FTO: variants seen among roughly 807,000 people sequenced by gnomAD.
FTO encodes alpha-ketoglutarate-dependent dioxygenase FTO.
Under a neutral mutation model 63.9 loss-of-function variants are expected in FTO, and 47 were observed. The ratio of observed to expected loss-of-function variants is 0.74; its 90% CI spans 0.58 to 0.94. The LOEUF is 0.94. Ranked by LOEUF, FTO falls within the 40% of genes least tolerant of loss-of-function variation. The pLI is 0.00. For synonymous variants in FTO, 207 were observed against 224.4 expected (o/e 0.92, Z 0.69); for missense variants, 562 against 618.1 (o/e 0.91, Z 0.96).
chr16:53,904,010 A>T, intron 7 of FTO, among the ~76,000 whole-genome samples: 1 of 151,720 alleles, frequency 6.6e-6, no homozygotes, highest in Non-Finnish European at 1.5e-5. Context: ...TAGTTTATTT[A>T]CATATATAAA....
chr16:53,790,372 A>G (rs900645758), intron 1 of FTO, among the ~76,000 whole-genome samples: 2 of 152,056 alleles, frequency 1.3e-5, no homozygotes, highest in Non-Finnish European at 2.9e-5. Flanking sequence ...AAGTAGAATC[A>G]TACAGTATTT....
In FTO at chr16:54,112,195, C is replaced by T. The variant is rs1320444975; in HGVS notation, c.*280C>T. On this transcript the variant is annotated 3_prime_UTR_variant, in exon 9 of 9. Transcript: ENST00000471389. The stretch of plus-strand genomic sequence containing the variant: ...TTCAGCCCCCAAGGTCCAGGGCAGG[C>T]GACAGGAACGAGCCCAGCGTGTGAC... 7 of 436,692 alleles carry T rather than the reference C, an allele frequency of 1.6e-5. No individual in the cohort carries two copies. Among genetic ancestry groups the T allele is most frequent in the East Asian group, 9.8e-5 (2 of 20,388 alleles). The allele number at this position is 436,692 out of a possible 1,614,324, so 27.1% of individuals were successfully genotyped here.
rs373497886 is a variant in FTO at position 54,074,662 on chromosome 16, T to C, written c.1365-37100T>C. Among the ~76,000 whole-genome samples, 188 of 152,318 alleles carry C rather than the reference T, an allele frequency of 1.2e-3. 1 individual carries two copies. Among genetic ancestry groups the C allele is most frequent in the African/African-American group, 4.3e-3 (179 of 41,572 alleles). ...TTAGGTTGTTTCCTATTTTTTTCCCTATCATATAAAATGCTGGGATGAATA... is the reference window on the plus strand; with the variant it reads ...TTAGGTTGTTTCCTATTTTTTTCCCCATCATATAAAATGCTGGGATGAATA... On this transcript the variant is annotated intron_variant, in intron 8 of 8. Coordinates refer to ENST00000471389, the MANE Select transcript of FTO (RefSeq NM_001080432.3).
rs971930837 is a variant in FTO at position 53,717,500 on chromosome 16, A to C, written c.45+13271A>C. Among the ~76,000 whole-genome samples, 6 of 152,154 alleles carry C rather than the reference A, an allele frequency of 3.9e-5. No homozygotes were observed. The South Asian group carries it at 1.0e-3, about 26-fold the overall frequency. On this transcript the variant is annotated intron_variant, in intron 1 of 8. Coordinates refer to ENST00000471389, the MANE Select transcript of FTO (RefSeq NM_001080432.3). ...TCGTCTTTTCTTACTGATTTGGAAA[A>C]ATATTTTGTAGATTAGGGATGTTAT...
intron 4 of FTO, among the ~76,000 whole-genome samples, chr16:53,852,016 A>G (rs576439430): frequency 1.9e-4 from 29 of 151,316 alleles, no homozygotes; most frequent in Middle Eastern, 3.2e-3. Flanking sequence ...TCAGTTAAGA[A>G]TGACAGAAAC....
intron 4 of FTO, among the ~76,000 whole-genome samples, chr16:53,858,559 T>C (rs1441187463): frequency 6.6e-6 from 1 of 152,178 alleles, no homozygotes; most frequent in African/African-American, 2.4e-5. Context: ...CCTTCTCCCC[T>C]TTTTTTAGAA....
At chr16:54,064,192 A>G (rs1410639724) in intron 8 of FTO, among the ~76,000 whole-genome samples, 1 of 152,148 alleles carries the variant, frequency 6.6e-6, no homozygotes, top group Non-Finnish European at 1.5e-5. Flanking sequence ...TGCTGCTGCT[A>G]TTACTATTAC....
chr16:53,893,296 T>C (rs1390778329), intron 7 of FTO, among the ~76,000 whole-genome samples: 1 of 152,154 alleles, frequency 6.6e-6, no homozygotes, highest in Non-Finnish European at 1.5e-5. Flanking sequence ...TTTATTTTAA[T>C]TTTTTTAAAA....
At chr16:54,110,996 G>A (rs1302628100) in intron 8 of FTO, among the ~76,000 whole-genome samples, 17 of 152,198 alleles carry the variant, frequency 1.1e-4, no homozygotes, top group African/African-American at 3.9e-4. Flanking sequence ...CTGCCAAGGT[G>A]TAAGAACGTT....
chr16:54,118,188 G>C lies in FTO; in HGVS notation c.*6273G>C, dbSNP rs1427734665. The C allele has an allele frequency of 6.6e-6, 1 of 152,102 alleles. No homozygotes were observed. Among genetic ancestry groups the C allele is most frequent in the Non-Finnish European group, 1.5e-5 (1 of 68,018 alleles). The allele number at this position is 152,102 out of a possible 1,614,324, so 9.4% of individuals were successfully genotyped here. A position where few individuals can be genotyped will look rare whatever the true frequency, so the allele number is the denominator to read the frequency against. On this transcript the variant is annotated 3_prime_UTR_variant, in exon 9 of 9. Transcript: ENST00000471389. ...GCGGTAGTTTCCTGCTGAGAGATGG[G>C]AAGTGCTGGCCTAGGACAGCAAGGT...
At chr16:54,104,463 C>T (rs11860584) in intron 8 of FTO, among the ~76,000 whole-genome samples, 32,152 of 151,746 alleles carry the variant, frequency 0.21, 3,951 homozygotes, top group African/African-American at 0.33. Context: ...TAGGCGTGCA[C>T]CACCACACCT....
chr16:53,919,083 G>A (rs192508760), intron 7 of FTO, among the ~76,000 whole-genome samples: 40 of 152,320 alleles, frequency 2.6e-4, no homozygotes, highest in Admixed American at 2.6e-4. Flanking sequence ...GGCGCCTGAT[G>A]TCTGGGTTAG....
At chr16:53,896,824 C>T (rs779103119) in intron 7 of FTO, among the ~76,000 whole-genome samples, 29 of 152,162 alleles carry the variant, frequency 1.9e-4, no homozygotes, top group Non-Finnish European at 3.8e-4. Context: ...AAGGGACTCA[C>T]AACAATTTGG....
chr16:53,881,586 CTG>C (rs1332908427), intron 6 of FTO, among the ~76,000 whole-genome samples: 1 of 152,222 alleles, frequency 6.6e-6, no homozygotes, highest in Non-Finnish European at 1.5e-5. Flanking sequence ...GCAAGTGTCA[CTG>C]CCTTGCTTTT....
chr16:53,802,942 C>G (rs2078264017), intron 1 of FTO, among the ~76,000 whole-genome samples: 1 of 152,162 alleles, frequency 6.6e-6, no homozygotes, highest in Non-Finnish European at 1.5e-5. Flanking sequence ...CTTTTCTCAA[C>G]TTTTTGAACT....
intron 7 of FTO, among the ~76,000 whole-genome samples, chr16:53,915,333 A>G (rs2081837211): frequency 6.6e-6 from 1 of 152,352 alleles, no homozygotes; most frequent in Non-Finnish European, 1.5e-5. Context: ...CACAAATGCT[A>G]TGCAGCTCTT....
chr16:54,071,077 CT>C (rs1328138642), intron 8 of FTO: 4 of 152,218 alleles, frequency 2.6e-5, no homozygotes, highest in Non-Finnish European at 1.5e-5. Context: ...TTTGAAATAG[CT>C]CAGTCTCATG....
At chr16:53,966,053 A>G (rs369914062) in intron 8 of FTO, among the ~76,000 whole-genome samples, 100 of 152,198 alleles carry the variant, frequency 6.6e-4, no homozygotes, top group African/African-American at 2.2e-3. Context: ...TTTTTAGTAG[A>G]GATGGGGTTT....
chr16:53,861,930 G>C (rs2080184957), intron 4 of FTO, among the ~76,000 whole-genome samples: 1 of 152,028 alleles, frequency 6.6e-6, no homozygotes, highest in Non-Finnish European at 1.5e-5. Context: ...TTGGCTATAG[G>C]ATTCTTAAGT....
Sources: allele counts gnomAD v4.1 joint callset (sites outside exome capture counted in the v4.1 genomes callset), GRCh38; gene constraint gnomAD v4.1.1; transcripts MANE v1.5; gene names NCBI Gene and HGNC (gene_info 2026-07-23, HGNC 2026-07-21).